Variants in SLC24A2 observed in about 807,000 individuals in gnomAD.
SLC24A2 encodes solute carrier family 24 member 2, also known as sodium/potassium/calcium exchanger 2.
Under a neutral mutation model 62.0 loss-of-function variants are expected in SLC24A2, and 36 were observed. The observed-to-expected ratio is 0.58, with a 90% CI of 0.44 to 0.77. The LOEUF (loss-of-function observed/expected upper bound fraction) is 0.77, where lower values mean the gene tolerates loss of function less well. Among genes scored for constraint, SLC24A2 ranks in the 30% least tolerant of loss-of-function variants. The probability of loss-of-function intolerance (pLI) is 0.00; values close to 1 mark genes in which losing one functional copy is unlikely to be tolerated. For missense variants in SLC24A2, 846 were observed against 817.9 expected (o/e 1.03, Z -0.42); for synonymous variants, 358 against 294.0 (o/e 1.22, Z -2.23).
chr9:20,019,143 AAGAAAGAAAGAAAGAG>A, the SLC24A2 span, among the ~76,000 whole-genome samples: 2 of 119,784 alleles, frequency 1.7e-5, no homozygotes, highest in Non-Finnish European at 3.5e-5. Flanking sequence ...GAAAGAAAGA[AAGAAAGAAAGAAAGAG>A]AGAGAGACAG....
intron 7 of SLC24A2, among the ~76,000 whole-genome samples, chr9:19,551,938 CA>C (rs1586944234): frequency 6.6e-6 from 1 of 152,140 alleles, no homozygotes; most frequent in African/African-American, 2.4e-5. Flanking sequence ...TTAGTAACAA[CA>C]GGTTCTTCTG....
rs114937004 is a variant in SLC24A2 at position 19,582,838 on chromosome 9, C to A, written c.1130-5816G>T. Among the ~76,000 whole-genome samples the A allele has an allele frequency of 9.8e-3, 1,498 of 152,210 alleles. 34 individuals carry two copies. The highest frequency in any genetic ancestry group is 0.033 in the African/African-American group (1,361 of 41,534). ...TCACACCCCACATGCCATCTACCAGCAAATCTGGTGTCTCTATTTTTAAAA... is the reference window on the plus strand; with the variant it reads ...TCACACCCCACATGCCATCTACCAGAAAATCTGGTGTCTCTATTTTTAAAA... On this transcript the variant is annotated intron_variant, in intron 5 of 10. Coordinates refer to ENST00000341998, the MANE Select transcript of SLC24A2 (RefSeq NM_020344.4).
chr9:19,987,251 T>C, the SLC24A2 span, among the ~76,000 whole-genome samples: 1 of 152,092 alleles, frequency 6.6e-6, no homozygotes, highest in Non-Finnish European at 1.5e-5. Context: ...CACTGTCGGG[T>C]GGACCTCTTT....
the SLC24A2 span, among the ~76,000 whole-genome samples, chr9:20,005,461 T>C: frequency 6.6e-6 from 1 of 152,202 alleles, no homozygotes; most frequent in African/African-American, 2.4e-5. Flanking sequence ...GCTGATATTG[T>C]ACCCATTTTA....
At chr9:20,088,841 C>T in the SLC24A2 span, among the ~76,000 whole-genome samples, 2 of 152,206 alleles carry the variant, frequency 1.3e-5, no homozygotes, top group African/African-American at 4.8e-5. Context: ...TGGAACAGAG[C>T]TCCCAGAGGG....
At chr9:20,027,108 C>T in the SLC24A2 span, among the ~76,000 whole-genome samples, 513 of 151,992 alleles carry the variant, frequency 3.4e-3, 2 homozygotes, top group Non-Finnish European at 5.6e-3. Context: ...AAATCAGAAC[C>T]GCAATGAGCT....
At chr9:19,572,547 C>T (rs1835868985) in intron 7 of SLC24A2, among the ~76,000 whole-genome samples, 1 of 152,088 alleles carries the variant, frequency 6.6e-6, no homozygotes, top group Non-Finnish European at 1.5e-5. Flanking sequence ...TCCTGCTCTG[C>T]CATGGTAAGA....
At chr9:20,206,657 T>C in the SLC24A2 span, among the ~76,000 whole-genome samples, 2 of 152,066 alleles carry the variant, frequency 1.3e-5, no homozygotes, top group Non-Finnish European at 2.9e-5. Flanking sequence ...AATTTTTGTA[T>C]TTTTAGTAGA....
chr9:19,938,281 A>G, the SLC24A2 span, among the ~76,000 whole-genome samples: 1 of 152,148 alleles, frequency 6.6e-6, no homozygotes, highest in Non-Finnish European at 1.5e-5. Flanking sequence ...TAGAAACTCA[A>G]TATTAAAGGT....
At chr9:20,298,945 G>C in the SLC24A2 span, among the ~76,000 whole-genome samples, 1 of 152,236 alleles carries the variant, frequency 6.6e-6, no homozygotes, top group Non-Finnish European at 1.5e-5. Flanking sequence ...CTACAGACCT[G>C]TGCTGAACAG....
At chr9:19,859,571 C>T in the SLC24A2 span, among the ~76,000 whole-genome samples, 111 of 152,258 alleles carry the variant, frequency 7.3e-4, 1 homozygote, top group South Asian at 3.1e-3. Context: ...CCCCTTGCCC[C>T]CTGCAAGCAC....
chr9:20,181,718 G>T, the SLC24A2 span, among the ~76,000 whole-genome samples: 2 of 152,180 alleles, frequency 1.3e-5, no homozygotes, highest in African/African-American at 4.8e-5. Flanking sequence ...TCAGGACATA[G>T]GCATGGGCAA....
At chr9:20,054,929 T>G in the SLC24A2 span, among the ~76,000 whole-genome samples, 1 of 152,212 alleles carries the variant, frequency 6.6e-6, no homozygotes, top group Non-Finnish European at 1.5e-5. Context: ...AAAAAACAAG[T>G]GATGACATAA....
intron 4 of SLC24A2, among the ~76,000 whole-genome samples, chr9:19,613,316 A>G (rs1413394128): frequency 6.6e-6 from 1 of 152,176 alleles, no homozygotes; most frequent in South Asian, 2.1e-4. Context: ...TGCCTGCCAA[A>G]CACAACCTGC....
intron 2 of SLC24A2, among the ~76,000 whole-genome samples, chr9:19,711,832 G>A (rs529565811): frequency 8.8e-4 from 130 of 147,220 alleles, no homozygotes; most frequent in African/African-American, 2.3e-3. Context: ...GTGGGCAAGT[G>A]GAAAATAACA....
the SLC24A2 span, among the ~76,000 whole-genome samples, chr9:20,218,292 T>C: frequency 6.6e-6 from 1 of 152,204 alleles, no homozygotes; most frequent in Non-Finnish European, 1.5e-5. Flanking sequence ...ATTTGGGTCT[T>C]TGATTTGACC....
chr9:19,888,840 G>A, the SLC24A2 span, among the ~76,000 whole-genome samples: 60,356 of 151,992 alleles, frequency 0.4, 12,576 homozygotes, highest in East Asian at 0.82. Context: ...GAATGGGACA[G>A]GAAAACAAGG....
the SLC24A2 span, among the ~76,000 whole-genome samples, chr9:20,182,062 T>C: frequency 3.4e-4 from 52 of 152,218 alleles, 1 homozygote; most frequent in East Asian, 9.3e-3. Context: ...GAAATGCAAA[T>C]CAAAACCACA....
At chr9:19,533,159 G>C (rs906343407) in intron 8 of SLC24A2, among the ~76,000 whole-genome samples, 2 of 152,162 alleles carry the variant, frequency 1.3e-5, no homozygotes, top group African/African-American at 4.8e-5. Context: ...GAAACTATAA[G>C]TATACATGAA....
Sources: allele counts gnomAD v4.1 joint callset (sites outside exome capture counted in the v4.1 genomes callset), GRCh38; gene constraint gnomAD v4.1.1; transcripts MANE v1.5; gene names NCBI Gene and HGNC (gene_info 2026-07-23, HGNC 2026-07-21).